SLC16A11: variants seen among roughly 807,000 people sequenced by gnomAD.
SLC16A11 encodes the protein solute carrier family 16 member 11, also known as monocarboxylate transporter 11.
SLC16A11 carries 24 observed loss-of-function variants against 26.0 expected under a neutral mutation model. The observed-to-expected ratio is 0.92, with a 90% confidence interval of 0.67 to 1.30. The LOEUF (loss-of-function observed/expected upper bound fraction) is 1.30. Among genes scored for constraint, SLC16A11 ranks in the 50% most tolerant of loss-of-function variants. The pLI is 0.00. For synonymous variants in SLC16A11, 332 were observed against 296.0 expected (o/e 1.12, Z -1.25); for missense variants, 638 against 597.7 (o/e 1.07, Z -0.70).
In SLC16A11 at chr17:7,042,001, A is replaced by G; in HGVS notation, c.1109T>C (p.Leu370Pro). The change falls in exon 4 of 5, where the codon CTG (leucine) becomes CCG (proline). Residue 370 changes from leucine (L) to proline (P), a missense_variant. Leu to Pro is a moderately conservative substitution (Grantham distance 98). Transcript: ENST00000574600. This position sits in a 1 kb window ranked among gnomAD's most constrained non-coding sequence, Gnocchi z 5.9. ...CTGTGAGCTCAGGTCCTTACCTGAC[A>G]GGGGAGGGCCCAGGAGCCCCCCGAG... ...MSLGGLLGPP[L>P]SGFLRDETGD... 6.3e-6 allele frequency: 10 copies of G among 1,580,856 alleles called. No homozygotes were observed. The highest frequency in any genetic ancestry group is 1.7e-4 in the Middle Eastern group (1 of 5,898).
In SLC16A11 at chr17:7,043,498, C is replaced by T. The variant is rs1297128062; in HGVS notation, c.16G>A (p.Ala6Thr). The part of the protein sequence containing the change: MTPQP[A>T]GPPDGGWGWV... ...CCCCAGCCCCCATCCGGGGGTCCGG[C>T]GGGCTGGGGGGTCATCGCCGTCTGC... The change falls in exon 2 of 5, where the codon GCC becomes ACC. Residue 6 changes from alanine to threonine, a missense_variant. Ala to Thr is a moderately conservative substitution (Grantham distance 58). Transcript: ENST00000574600. 1.9e-6 allele frequency: 3 copies of T among 1,598,064 alleles called. No individual in the cohort carries two copies. Among genetic ancestry groups the T allele is most frequent in the Non-Finnish European group, 2.5e-6 (3 of 1,177,934 alleles).
chr17:7,043,401 G>T lies in SLC16A11; in HGVS notation c.113C>A (p.Ala38Asp). ...AAAGTGCTCGGCAAGGTCAGGGAAG[G>T]CAAGGCCCAGCGAGCGCAGCAGCCC... ...SYGLLRSLGL[A>D]FPDLAEHFDR... The change falls in exon 2 of 5, where the codon GCC becomes GAC. Residue 38 changes from alanine to aspartate, a missense_variant. By Grantham distance (126) the Ala-to-Asp change is moderately radical. Coordinates refer to ENST00000574600, the MANE Select transcript of SLC16A11 (RefSeq NM_001370549.1). 1 of 1,607,894 alleles carries T rather than the reference G, an allele frequency of 6.2e-7. No homozygotes were observed.
Position 7,042,418 on chromosome 17 carries a change from C to G in SLC16A11, c.692G>C (p.Gly231Ala), listed in dbSNP as rs1465633806. ...CACGTAAGGAACGAAGTACCCGCCC[C>G]CAACCAGGGCTGTGCCTAGAGCAAA... ...SIFALGTALV[G>A]GGYFVPYVHL... The change falls in exon 4 of 5, where the codon GGG becomes GCG. Residue 231 changes from glycine to alanine, a missense_variant. Gly to Ala is a moderately conservative substitution (Grantham distance 60). Coordinates refer to ENST00000574600, the MANE Select transcript of SLC16A11 (RefSeq NM_001370549.1). This position sits in a 1 kb window ranked among gnomAD's most constrained non-coding sequence, Gnocchi z 5.9. The G allele has an allele frequency of 1.3e-6, 2 of 1,559,278 alleles. No homozygotes were observed. The highest frequency in any genetic ancestry group is 1.9e-5 in the Admixed American group (1 of 52,228).
In SLC16A11 at chr17:7,041,758, G is replaced by T; in HGVS notation, c.1265C>A (p.Thr422Lys). ...ASPPATPPPETGELLPAPQAV... is the reference protein window; with the variant it reads ...ASPPATPPPEKGELLPAPQAV... ...CTGGGGAGCGGGAAGCAGCTCCCCC[G>T]TCTCTGGGGGAGGCGTGGCTGGAGG... Residue 422 changes from threonine to lysine, a missense_variant, in exon 5 of 5, where the codon ACG (threonine) becomes AAG (lysine). Physicochemically the swap from Thr to Lys is moderately conservative, Grantham distance 78 (BLOSUM62 -1). Transcript: ENST00000574600. 1 of 1,613,572 alleles carries T rather than the reference G, an allele frequency of 6.2e-7. No homozygotes were observed. Among genetic ancestry groups the T allele is most frequent in the Non-Finnish European group, 8.5e-7 (1 of 1,179,950 alleles).
Position 7,042,157 on chromosome 17 carries a change from A to C in SLC16A11, c.953T>G (p.Leu318Arg), listed in dbSNP as rs1910771681. Residue 318 changes from leucine (L) to arginine (R), a missense_variant, in exon 4 of 5, where the codon CTG becomes CGG. Physicochemically the swap from Leu to Arg is moderately radical, Grantham distance 102. Coordinates refer to ENST00000574600, the MANE Select transcript of SLC16A11 (RefSeq NM_001370549.1). This position sits in a 1 kb window ranked among gnomAD's most constrained non-coding sequence, Gnocchi z 5.9. Reference sequence around the variant, plus strand: ...CCCATAGGCCACAGCCGCGGCCAGCAGGGGACCCCCCCAGCTCTCTTCGCC... The same window carrying C: ...CCCATAGGCCACAGCCGCGGCCAGCCGGGGACCCCCCCAGCTCTCTTCGCC... ...VGGEESWGGP[L>R]LAAAVAYGLS... 1 of 1,579,148 alleles carries C rather than the reference A, an allele frequency of 6.3e-7. No individual in the cohort carries two copies. Among genetic ancestry groups the C allele is most frequent in the Non-Finnish European group, 8.6e-7 (1 of 1,163,542 alleles).
chr17:7,043,089 G>A lies in SLC16A11; in HGVS notation c.203-16C>T. 6.6e-7 allele frequency: 1 copy of A among 1,514,406 alleles called. No homozygotes were observed. The highest frequency in any genetic ancestry group is 8.8e-7 in the Non-Finnish European group (1 of 1,132,730). The allele number at this position is 1,514,406 out of a possible 1,614,324, so 93.8% of individuals were successfully genotyped here. On this transcript the variant is annotated splice_polypyrimidine_tract_variant and intron_variant, in intron 2 of 4. Transcript: ENST00000574600. ...CCCACGGGGCCTGAAAGGGGGCGGAGTCAACGGAAGACACGCCCCCGGGCC... is the reference window on the plus strand; with the variant it reads ...CCCACGGGGCCTGAAAGGGGGCGGAATCAACGGAAGACACGCCCCCGGGCC...
At position 7,042,537 on chromosome 17, in the gene SLC16A11, TAGC is replaced by T; in HGVS notation, c.570_572del (p.Leu191del). ...GGGGGTCTCCAGGAAGGACCAGGGG[TAGC>T]AGCAGGGCGCCACAGGGGGTGAGGT... On this transcript the variant is annotated inframe_deletion, in exon 4 of 5. Transcript: ENST00000574600. This position sits in a 1 kb window ranked among gnomAD's most constrained non-coding sequence, Gnocchi z 5.9. 1 of 1,571,524 alleles carries T rather than the reference TAGC, an allele frequency of 6.4e-7. No homozygotes were observed. The highest frequency in any genetic ancestry group is 8.6e-7 in the Non-Finnish European group (1 of 1,159,514).
At position 7,042,087 on chromosome 17, in the gene SLC16A11, G is replaced by T. The variant is rs745440828; in HGVS notation, c.1023C>A (p.Pro341=). ...CCACACCTCCGACGCCCACCAGCCC[G>T]GGGAGTACACCGAAAACCAGCGGGG... The part of the protein sequence containing the change: ...SYAPLVFGVL[P]GLVGVGGVVQ... Residue 341 remains proline (P), a synonymous_variant, in exon 4 of 5, where the codon CCC becomes CCA. Coordinates refer to ENST00000574600, the MANE Select transcript of SLC16A11 (RefSeq NM_001370549.1). This position sits in a 1 kb window ranked among gnomAD's most constrained non-coding sequence, Gnocchi z 5.9. 10 of 1,606,760 alleles carry T rather than the reference G, an allele frequency of 6.2e-6. 1 individual carries two copies. In the South Asian group the frequency reaches 8.8e-5, roughly 14 times the overall value.
rs527485841 is a variant in SLC16A11 at position 7,041,766 on chromosome 17, G to T, written c.1257C>A (p.Pro419=). ...CGGGAAGCAGCTCCCCCGTCTCTGGGGGAGGCGTGGCTGGAGGGGAGGCTG... is the reference window on the plus strand; with the variant it reads ...CGGGAAGCAGCTCCCCCGTCTCTGGTGGAGGCGTGGCTGGAGGGGAGGCTG... The part of the protein sequence containing the change: ...CGPASPPATP[P]PETGELLPAP... The change falls in exon 5 of 5, where the codon CCC becomes CCA. Residue 419 remains proline, a synonymous_variant. Coordinates refer to ENST00000574600, the MANE Select transcript of SLC16A11 (RefSeq NM_001370549.1). The T allele has an allele frequency of 6.2e-7, 1 of 1,613,620 alleles. No homozygotes were observed. The highest frequency in any genetic ancestry group is 8.5e-7 in the Non-Finnish European group (1 of 1,179,954).
rs764036340 is a variant in SLC16A11, at chr17:7,042,510, T to TG, written c.599dup (p.Ala201SerfsTer5). Reference sequence around the variant, plus strand: ...CAGCTAGGGGACTACGCGGTGGGGCTGGGGGGTCTCCAGGAAGGACCAGGG... The same window carrying TG: ...CAGCTAGGGGACTACGCGGTGGGGCTGGGGGGGTCTCCAGGAAGGACCAGGG... On this transcript the variant is annotated frameshift_variant, in exon 4 of 5. Coordinates refer to ENST00000574600, the MANE Select transcript of SLC16A11 (RefSeq NM_001370549.1). LOFTEE classifies it high-confidence loss of function. The surrounding 1 kb of genome is among the most constrained non-coding windows in gnomAD (Gnocchi z 5.9). The TG allele has an allele frequency of 9.0e-6, 14 of 1,563,200 alleles. No homozygotes were observed. The highest frequency in any genetic ancestry group is 1.7e-4 in the Middle Eastern group (1 of 6,020).
rs999689639 is a variant in SLC16A11, at chr17:7,044,078, G to C, written c.-310C>G. ...CAACCCCCAGGCCCGGGGGAGGGGG[G>C]AGCGGCGAGAAATGAATGCAGAGGG... is the stretch of plus-strand genomic sequence containing the variant. On this transcript the variant is annotated 5_prime_UTR_variant, in exon 1 of 5. Transcript: ENST00000574600. 1.3e-5 allele frequency among the ~76,000 whole-genome samples: 2 copies of C among 152,002 alleles called. No homozygotes were observed. The highest frequency in any genetic ancestry group is 1.9e-4 in the East Asian group (1 of 5,164).
intron 1 of SLC16A11, 104 bp from the exon 2 acceptor site, chr17:7,043,623 G>T: frequency 6.7e-7 from 1 of 1,502,662 alleles, no homozygotes; most frequent in Non-Finnish European, 8.8e-7. Context: ...CCCGGGGTGG[G>T]CCCGTCACTC....
Position 7,042,721 on chromosome 17 carries a change from A to G in SLC16A11, c.389T>C (p.Leu130Pro), listed in dbSNP as rs1457835753. 2 of 1,543,950 alleles carry G rather than the reference A, an allele frequency of 1.3e-6. No homozygotes were observed. Among genetic ancestry groups the G allele is most frequent in the Non-Finnish European group, 1.7e-6 (2 of 1,148,804 alleles). The change falls in exon 4 of 5, where the codon CTC (leucine) becomes CCC (proline). Residue 130 changes from leucine (L) to proline (P), a missense_variant. Coordinates refer to ENST00000574600, the MANE Select transcript of SLC16A11 (RefSeq NM_001370549.1). This position sits in a 1 kb window ranked among gnomAD's most constrained non-coding sequence, Gnocchi z 5.9. ...ALVFAPALGTLSRYFSRRRVL... is the reference protein window; with the variant it reads ...ALVFAPALGTPSRYFSRRRVL... ...TCGACGGCGGGAGAAGTAACGCGAGAGGGTGCCTAGGGCGGGGGCGAACAC... is the reference window on the plus strand; with the variant it reads ...TCGACGGCGGGAGAAGTAACGCGAGGGGGTGCCTAGGGCGGGGGCGAACAC...
intron 2 of SLC16A11, 106 bp downstream of exon 2, chr17:7,043,206 G>A: frequency 6.7e-7 from 1 of 1,486,638 alleles, no homozygotes; most frequent in East Asian, 2.3e-5. Flanking sequence ...CTTTTCTAGA[G>A]CCGGTTGCCC....
In SLC16A11 at chr17:7,042,856, T is replaced by A; in HGVS notation, c.346+74A>T. 1 of 1,598,728 alleles carries A rather than the reference T, an allele frequency of 6.3e-7. No homozygotes were observed. Among genetic ancestry groups the A allele is most frequent in the Non-Finnish European group, 8.5e-7 (1 of 1,173,194 alleles). ...TCTCCGCACCAGGCCCCCGCCTCGT[T>A]CGCTACCCCAGATCCCAACAAGCTC... On this transcript the variant is annotated intron_variant, in intron 3 of 4. Transcript: ENST00000574600. This position sits in a 1 kb window ranked among gnomAD's most constrained non-coding sequence, Gnocchi z 5.9.
Position 7,042,161 on chromosome 17 carries a change from G to T in SLC16A11, c.949C>A (p.Pro317Thr), listed in dbSNP as rs995505325. ...TAGGCCACAGCCGCGGCCAGCAGGG[G>T]ACCCCCCCAGCTCTCTTCGCCGCCC... ...VVGGEESWGG[P>T]LLAAAVAYGL... is the part of the protein sequence containing the mutation. The change falls in exon 4 of 5, where the codon CCC becomes ACC. Residue 317 changes from proline to threonine, a missense_variant. Transcript: ENST00000574600. The surrounding 1 kb of genome is among the most constrained non-coding windows in gnomAD (Gnocchi z 5.9). The T allele has an allele frequency of 1.3e-6, 2 of 1,575,392 alleles. No individual in the cohort carries two copies. Among genetic ancestry groups the T allele is most frequent in the Middle Eastern group, 1.7e-4 (1 of 5,994 alleles).
chr17:7,043,104 G>GC (rs1045217303), intron 2 of SLC16A11, 31 bp from the exon 3 acceptor site: 2 of 1,492,634 alleles, frequency 1.3e-6, no homozygotes, highest in Admixed American at 2.5e-5. Flanking sequence ...CGGAAGACAC[G>GC]CCCCCGGGCC....
rs750952329 is a variant in SLC16A11 at position 7,041,702 on chromosome 17, A to G, written c.1321T>C (p.Ser441Pro). Residue 441 changes from serine (S) to proline (P), a missense_variant, in exon 5 of 5, where the codon TCC (serine) becomes CCC (proline). Coordinates refer to ENST00000574600, the MANE Select transcript of SLC16A11 (RefSeq NM_001370549.1). The stretch of plus-strand genomic sequence containing the variant: ...AATCAACAAGTGGTGTCCAGAGTGG[A>G]GCCAGGGCCTCCTGGGGACAGCAAG... ...AVLLSPGGPG[S>P]TLDTTC 3 of 1,610,046 alleles carry G rather than the reference A, an allele frequency of 1.9e-6. No homozygotes were observed. In the South Asian group the frequency reaches 3.3e-5, roughly 18 times the overall value.
At position 7,043,051 on chromosome 17, in the gene SLC16A11, G is replaced by C; in HGVS notation, c.225C>G (p.Ser75Arg). 2 of 1,561,038 alleles carry C rather than the reference G, an allele frequency of 1.3e-6. No individual in the cohort carries two copies. The highest frequency in any genetic ancestry group is 2.3e-5 in the South Asian group (2 of 85,734). Residue 75 changes from serine (S) to arginine (R), a missense_variant, in exon 3 of 5, where the codon AGC becomes AGG. Physicochemically the swap from Ser to Arg is moderately radical, Grantham distance 110. Coordinates refer to ENST00000574600, the MANE Select transcript of SLC16A11 (RefSeq NM_001370549.1). Reference protein sequence around the residue: ...QAASPVGSALSTRWGARPVVM... With the variant: ...QAASPVGSALRTRWGARPVVM... ...CCACGGGGCGGGCCCCCCAGCGCGT[G>C]CTCAGGGCGCTGCCCACGGGGCCTG... is the stretch of plus-strand genomic sequence containing the variant.
Sources: gnomAD v4.1 joint callset for allele counts (sites outside exome capture counted in the v4.1 genomes callset) on GRCh38, gnomAD v4.1.1 for gene constraint, Gnocchi (gnomAD v3.1) non-coding constraint, MANE v1.5 for transcripts, NCBI Gene and HGNC (gene_info 2026-07-23, HGNC 2026-07-21) for gene names.